AHDC1: variants seen among roughly 807,000 people sequenced by gnomAD.
AHDC1 encodes the protein transcription factor Gibbin.
In AHDC1, 7 loss-of-function variants were observed where a neutral mutation model predicts 87.9. The ratio of observed to expected loss-of-function variants is 0.08; its 90% CI spans 0.05 to 0.15. The LOEUF (loss-of-function observed/expected upper bound fraction) is 0.15. Ranked by LOEUF, AHDC1 falls within the 10% of genes least tolerant of loss-of-function variation. The pLI is 1.00. For synonymous variants in AHDC1, 1,051 were observed against 1,006.8 expected, an observed-to-expected ratio of 1.04 and a Z score of -0.83; for missense variants, 1,841 against 2,253.2, an observed-to-expected ratio of 0.82 and a Z score of 3.70.
chr1:27,536,550 C>T (rs1179538193), intron 8 of AHDC1, among the ~76,000 whole-genome samples: 3 of 152,152 alleles, frequency 2.0e-5, no homozygotes, highest in Non-Finnish European at 2.9e-5. Context: ...AAGCTCTCCA[C>T]AGTCAGGCGG....
chr1:27,535,101 C>A (rs1384503415), intron 8 of AHDC1, among the ~76,000 whole-genome samples, 185 bp from the exon 9 acceptor site: 2 of 152,160 alleles, frequency 1.3e-5, no homozygotes, highest in Non-Finnish European at 2.9e-5. Context: ...CCCAGTTTCC[C>A]CATCTGTAAA....
At position 27,550,214 on chromosome 1, in the gene AHDC1, C is replaced by T. The variant is rs759023870; in HGVS notation, c.1902G>A (p.Pro634=). 22 of 1,612,794 alleles carry T rather than the reference C, an allele frequency of 1.4e-5. No individual in the cohort carries two copies. The highest frequency in any genetic ancestry group is 5.0e-5 in the Admixed American group (3 of 60,006). The change falls in exon 8 of 9, where the codon CCG becomes CCA. Residue 634 remains proline, a synonymous_variant. Coordinates refer to ENST00000673934, the MANE Select transcript of AHDC1 (RefSeq NM_001371928.1). ...GCTCACTGGGTGTCCAGCAGCGGGG[C>T]GGTGAGCACCGTCCAGCGCACTGGC... ...RQSQCAGRCS[P]PRCWTPSEPE...
At chr1:27,559,899 C>T (rs544169053) in intron 3 of AHDC1, among the ~76,000 whole-genome samples, 3 of 152,268 alleles carry the variant, frequency 2.0e-5, no homozygotes, top group Non-Finnish European at 4.4e-5. Context: ...TGCGTGTGAT[C>T]GAGATTCTGC....
chr1:27,585,561 T>C (rs535366240), intron 3 of AHDC1, among the ~76,000 whole-genome samples: 1 of 152,304 alleles, frequency 6.6e-6, no homozygotes, highest in Admixed American at 6.5e-5. Flanking sequence ...GTTCCTGTGG[T>C]AGGGTACAGA....
rs960957811 is a variant in AHDC1, at chr1:27,562,068, G to A, written c.-628-3185C>T. On this transcript the variant is annotated intron_variant, in intron 3 of 8. Transcript: ENST00000673934. This position sits in a 1 kb window ranked among gnomAD's most constrained non-coding sequence, Gnocchi z 4.4. ...GAAAGGCAGGAGAGAGCAGGGACCAGGGGTTTCTGCAGGAGCCTGAGAAAG... is the reference window on the plus strand; with the variant it reads ...GAAAGGCAGGAGAGAGCAGGGACCAAGGGTTTCTGCAGGAGCCTGAGAAAG... Among the ~76,000 whole-genome samples, 5 of 152,144 alleles carry A rather than the reference G, an allele frequency of 3.3e-5. No homozygotes were observed. The highest frequency in any genetic ancestry group is 1.2e-4 in the African/African-American group (5 of 41,420).
At chr1:27,543,673 G>A (rs972164700) in intron 8 of AHDC1, among the ~76,000 whole-genome samples, 5 of 152,160 alleles carry the variant, frequency 3.3e-5, no homozygotes, top group Admixed American at 6.5e-5. Context: ...GGGCGGGTGC[G>A]GTGGCTCACA....
chr1:27,550,567 G>C lies in AHDC1; in HGVS notation c.1549C>G (p.Pro517Ala). 1 of 1,613,514 alleles carries C rather than the reference G, an allele frequency of 6.2e-7. No homozygotes were observed. The highest frequency in any genetic ancestry group is 8.5e-7 in the Non-Finnish European group (1 of 1,179,820). ...TTCTTCATCTTCAGCAGCGGGGTGG[G>C]CTCAGCCGACACGCGCAGGCCCAGC... is the stretch of plus-strand genomic sequence containing the variant. The part of the protein sequence containing the change: ...KELGLRVSAE[P>A]TPLLKMKNNG... The change falls in exon 8 of 9, where the codon CCC (proline) becomes GCC (alanine). Residue 517 changes from proline (P) to alanine (A), a missense_variant. Physicochemically the swap from Pro to Ala is conservative, Grantham distance 27 (BLOSUM62 -1). Coordinates refer to ENST00000673934, the MANE Select transcript of AHDC1 (RefSeq NM_001371928.1).
At chr1:27,571,021 C>T (rs72886310) in intron 3 of AHDC1, among the ~76,000 whole-genome samples, 4 of 152,000 alleles carry the variant, frequency 2.6e-5, no homozygotes, top group Admixed American at 2.0e-4. Context: ...CACATACCAA[C>T]GCAAGGGGTG....
At position 27,553,472 on chromosome 1, in the gene AHDC1, C is replaced by G. The variant is rs572365613; in HGVS notation, c.-224-287G>C. The G allele has an allele frequency of 4.6e-5, 7 of 152,208 alleles. No homozygotes were observed. In the East Asian group the frequency reaches 1.4e-3, roughly 29 times the overall value. The allele number at this position is 152,208 out of a possible 1,614,324, so 9.4% of individuals were successfully genotyped here. A position where few individuals can be genotyped will look rare whatever the true frequency, so the allele number is the denominator to read the frequency against. ...GACTTAATTACTAGTGGGATAAGAGCTGCAAAGAAAAAGTGAAGATGCCTG... is the reference window on the plus strand; with the variant it reads ...GACTTAATTACTAGTGGGATAAGAGGTGCAAAGAAAAAGTGAAGATGCCTG... On this transcript the variant is annotated intron_variant, in intron 5 of 8. Transcript: ENST00000673934.
intron 5 of AHDC1, among the ~76,000 whole-genome samples, chr1:27,554,765 C>A (rs1294228526): frequency 3.9e-5 from 6 of 152,186 alleles, no homozygotes; most frequent in Non-Finnish European, 7.3e-5. Flanking sequence ...CATGCTGTCA[C>A]CCCACAGGAA....
chr1:27,602,909 C>T (rs2089572324), intron 3 of AHDC1, among the ~76,000 whole-genome samples: 1 of 151,720 alleles, frequency 6.6e-6, no homozygotes, highest in Non-Finnish European at 1.5e-5. Flanking sequence ...GGGGCTCCTC[C>T]CTCCGCAGTC....
chr1:27,547,798 C>T lies in AHDC1; in HGVS notation c.4318G>A (p.Ala1440Thr), dbSNP rs1425646468. The change falls in exon 8 of 9, where the codon GCC (alanine) becomes ACC (threonine). Residue 1440 changes from alanine to threonine, a missense_variant. By Grantham distance (58) the Ala-to-Thr change is moderately conservative. Coordinates refer to ENST00000673934, the MANE Select transcript of AHDC1 (RefSeq NM_001371928.1). The surrounding 1 kb of genome is among the most constrained non-coding windows in gnomAD (Gnocchi z 4.9). ...QGASLGHAAA[A>T]QAHLSCRDLP... is the part of the protein sequence containing the mutation. Reference sequence around the variant, plus strand: ...TCCCGGCAGCTCAGGTGGGCCTGGGCTGCAGCTGCGTGGCCCAGGCTGGCC... The same window carrying T: ...TCCCGGCAGCTCAGGTGGGCCTGGGTTGCAGCTGCGTGGCCCAGGCTGGCC... 2.6e-6 allele frequency: 4 copies of T among 1,566,188 alleles called. No individual in the cohort carries two copies. Among genetic ancestry groups the T allele is most frequent in the African/African-American group, 2.7e-5 (2 of 73,868 alleles).
intron 5 of AHDC1, among the ~76,000 whole-genome samples, chr1:27,555,240 A>C (rs1557672802): frequency 6.6e-6 from 1 of 152,108 alleles, no homozygotes; most frequent in African/African-American, 2.4e-5. Flanking sequence ...GACATCTGGG[A>C]ATCTGTATTT....
Position 27,549,005 on chromosome 1 carries a change from G to A in AHDC1, c.3111C>T (p.Phe1037=). The A allele has an allele frequency of 6.4e-7, 1 of 1,574,098 alleles. No individual in the cohort carries two copies. The highest frequency in any genetic ancestry group is 8.6e-7 in the Non-Finnish European group (1 of 1,159,084). ...GPCLPPSKAS[F]FSSSEGAPFS... ...AGGGGGCCCCCTCAGAGCTGCTGAA[G>A]AAGGAGGCCTTGCTTGGTGGCAGGC... The change falls in exon 8 of 9, where the codon TTC becomes TTT. Residue 1037 remains phenylalanine, a synonymous_variant. Transcript: ENST00000673934.
At chr1:27,577,290 C>T (rs781670796) in intron 3 of AHDC1, among the ~76,000 whole-genome samples, 2 of 152,234 alleles carry the variant, frequency 1.3e-5, no homozygotes, top group Non-Finnish European at 2.9e-5. Flanking sequence ...CATTCAGCTC[C>T]TGGTCGGTTG....
At chr1:27,543,457 C>T (rs1416985665) in intron 8 of AHDC1, among the ~76,000 whole-genome samples, 6 of 152,268 alleles carry the variant, frequency 3.9e-5, no homozygotes, top group Non-Finnish European at 7.3e-5. Flanking sequence ...ATTCCCCATT[C>T]TGTCTCCTCT....
chr1:27,560,982 A>G lies in AHDC1; in HGVS notation c.-628-2099T>C, dbSNP rs2020054517. 6.6e-6 allele frequency among the ~76,000 whole-genome samples: 1 copy of G among 151,406 alleles called. No individual in the cohort carries two copies. On this transcript the variant is annotated intron_variant, in intron 3 of 8. Coordinates refer to ENST00000673934, the MANE Select transcript of AHDC1 (RefSeq NM_001371928.1). This position sits in a 1 kb window ranked among gnomAD's most constrained non-coding sequence, Gnocchi z 4.1. ...TCCCTTCCTCTCTCTCTCTCTCTGT[A>G]GGAGCCAGACAACTCCCCAAGCCTG...
At position 27,549,251 on chromosome 1, in the gene AHDC1, G is replaced by A. The variant is rs1386040862; in HGVS notation, c.2865C>T (p.Ala955=). Residue 955 remains alanine, a synonymous_variant, in exon 8 of 9, where the codon GCC becomes GCT. Transcript: ENST00000673934. ...PKLVPPPSAM[A]RSPTTHPPAN... ...CAGGCGGGTGGGTGGTAGGTGAGCGGGCCATGGCTGAGGGCGGGGGCACCA... is the reference window on the plus strand; with the variant it reads ...CAGGCGGGTGGGTGGTAGGTGAGCGAGCCATGGCTGAGGGCGGGGGCACCA... 6.2e-7 allele frequency: 1 copy of A among 1,605,036 alleles called. No individual in the cohort carries two copies. Among genetic ancestry groups the A allele is most frequent in the Non-Finnish European group, 8.5e-7 (1 of 1,174,422 alleles).
Position 27,598,490 on chromosome 1 carries a change from G to A in AHDC1, c.-629+4907C>T, listed in dbSNP as rs2089437878. Reference sequence around the variant, plus strand: ...GAGAGGCCAGGCCTTGGGCGAAGGAGGGGCTGGGAGCCAGGGCTTCCTGTC... The same window carrying A: ...GAGAGGCCAGGCCTTGGGCGAAGGAAGGGCTGGGAGCCAGGGCTTCCTGTC... On this transcript the variant is annotated intron_variant, in intron 3 of 8. Transcript: ENST00000673934. The surrounding 1 kb of genome is among the most constrained non-coding windows in gnomAD (Gnocchi z 4.2). Among the ~76,000 whole-genome samples, 1 of 152,166 alleles carries A rather than the reference G, an allele frequency of 6.6e-6. No individual in the cohort carries two copies. Among genetic ancestry groups the A allele is most frequent in the Non-Finnish European group, 1.5e-5 (1 of 68,006 alleles).
Sources: gnomAD v4.1 joint callset for allele counts (sites outside exome capture counted in the v4.1 genomes callset) on GRCh38, gnomAD v4.1.1 for gene constraint, Gnocchi (gnomAD v3.1) non-coding constraint, MANE v1.5 for transcripts, NCBI Gene and HGNC (gene_info 2026-07-23, HGNC 2026-07-21) for gene names.